KCNIP1: variants seen among roughly 807,000 people sequenced by gnomAD.
The protein encoded by KCNIP1 is A-type potassium channel modulatory protein KCNIP1.
A neutral mutation model predicts 33.0 loss-of-function variants in KCNIP1; 18 were observed. That is an observed-to-expected ratio of 0.55 (90% CI 0.38 to 0.81). The LOEUF (loss-of-function observed/expected upper bound fraction) is 0.81. KCNIP1 is among the 30% of genes least tolerant of loss of function. The pLI is 0.00. For missense variants in KCNIP1, 238 were observed against 271.6 expected (o/e 0.88, Z 0.87); for synonymous variants, 93 against 98.3 (o/e 0.95, Z 0.32).
At chr5:170,539,505 C>T (rs1756117486) in intron 1 of KCNIP1, among the ~76,000 whole-genome samples, 2 of 152,164 alleles carry the variant, frequency 1.3e-5, no homozygotes, top group African/African-American at 4.8e-5. Context: ...AGCAAATGTG[C>T]CTGCTCCTCA....
rs796652625 is a variant in KCNIP1, at chr5:170,570,016, C to T, written c.61+65383C>T. 1.3e-3 allele frequency among the ~76,000 whole-genome samples: 197 copies of T among 152,258 alleles called. 1 individual carries two copies. Among genetic ancestry groups the T allele is most frequent in the African/African-American group, 4.7e-3 (194 of 41,542 alleles). Reference sequence around the variant, plus strand: ...TTGTCATGGATGGGGATAGGAGAGCCATCTAAGGTCCCTGCCCATCTGCAA... The same window carrying T: ...TTGTCATGGATGGGGATAGGAGAGCTATCTAAGGTCCCTGCCCATCTGCAA... On this transcript the variant is annotated intron_variant, in intron 1 of 7. Transcript: ENST00000328939.
intron 1 of KCNIP1, among the ~76,000 whole-genome samples, chr5:170,512,351 G>C (rs1301144075): frequency 1.3e-5 from 2 of 152,156 alleles, no homozygotes; most frequent in African/African-American, 4.8e-5. Context: ...AAAAACACAA[G>C]AACTTGCTAG....
chr5:170,364,643 C>T (rs572262066), intron 1 of KCNIP1, among the ~76,000 whole-genome samples: 5 of 152,292 alleles, frequency 3.3e-5, no homozygotes, highest in East Asian at 1.9e-4. Flanking sequence ...CATTCAAATC[C>T]CCTCCTGCGG....
chr5:170,537,733 C>T lies in KCNIP1; in HGVS notation c.61+33100C>T, dbSNP rs933173126. The stretch of plus-strand genomic sequence containing the variant: ...GCTCTCTTCCATAGCTTTCTTTGCT[C>T]GGCCTTTTGTTGATGGTTTTCCTCA... On this transcript the variant is annotated intron_variant, in intron 1 of 7. Transcript: ENST00000328939. Among the ~76,000 whole-genome samples the T allele has an allele frequency of 3.9e-5, 6 of 152,334 alleles. No homozygotes were observed. In the South Asian group the frequency reaches 6.2e-4, roughly 16 times the overall value.
chr5:170,687,432 G>A (rs557104604), intron 1 of KCNIP1, among the ~76,000 whole-genome samples: 6 of 152,038 alleles, frequency 3.9e-5, no homozygotes, highest in Non-Finnish European at 7.4e-5. Context: ...CACGCACTTC[G>A]GCCTCCCAAA....
chr5:170,362,382 C>T (rs77662584), intron 1 of KCNIP1, among the ~76,000 whole-genome samples: 1 of 152,316 alleles, frequency 6.6e-6, no homozygotes, highest in East Asian at 1.9e-4. Flanking sequence ...GATTCCTTCC[C>T]AGTTTGGCCA....
At chr5:170,568,992 G>A (rs1757302282) in intron 1 of KCNIP1, among the ~76,000 whole-genome samples, 1 of 152,116 alleles carries the variant, frequency 6.6e-6, no homozygotes, top group Non-Finnish European at 1.5e-5. Flanking sequence ...GCTGGATCGG[G>A]ATAGCTTTCC....
chr5:170,709,923 A>C (rs1581529565), intron 1 of KCNIP1, among the ~76,000 whole-genome samples: 1 of 151,940 alleles, frequency 6.6e-6, no homozygotes, highest in African/African-American at 2.4e-5. Flanking sequence ...CCTGGAGTGC[A>C]GTAGCACAAT....
intron 1 of KCNIP1, among the ~76,000 whole-genome samples, chr5:170,674,199 G>GGGAGGGAGGGAGGGAT (rs1762042320): frequency 7.3e-6 from 1 of 137,860 alleles, no homozygotes; most frequent in Non-Finnish European, 1.6e-5. Context: ...GAGGGAGGGA[G>GGGAGGGAGGGAGGGAT]GGAGGGAGGG....
intron 1 of KCNIP1, among the ~76,000 whole-genome samples, chr5:170,414,496 A>G (rs1755276337): frequency 6.6e-6 from 1 of 152,130 alleles, no homozygotes; most frequent in South Asian, 2.1e-4. Context: ...TCTGTCCCTC[A>G]CTTCTGTTCT....
At chr5:170,408,011 C>T (rs1037426240) in intron 1 of KCNIP1, among the ~76,000 whole-genome samples, 2 of 152,154 alleles carry the variant, frequency 1.3e-5, no homozygotes, top group Non-Finnish European at 2.9e-5. Context: ...CCTCAACTTT[C>T]CCACCTGTAA....
chr5:170,717,406 G>A (rs1763676654), intron 1 of KCNIP1, among the ~76,000 whole-genome samples: 1 of 152,150 alleles, frequency 6.6e-6, no homozygotes, highest in Non-Finnish European at 1.5e-5. Context: ...ACTTGTCTCT[G>A]TGGCGTAAAC....
chr5:170,676,743 G>C (rs1001591228), intron 1 of KCNIP1, among the ~76,000 whole-genome samples: 1 of 152,144 alleles, frequency 6.6e-6, no homozygotes, highest in Non-Finnish European at 1.5e-5. Flanking sequence ...GAACTGCTCC[G>C]ATCTTGTGGG....
chr5:170,629,519 G>T (rs1392693977), intron 1 of KCNIP1, among the ~76,000 whole-genome samples: 2 of 152,182 alleles, frequency 1.3e-5, no homozygotes, highest in African/African-American at 2.4e-5. Flanking sequence ...GGCCAGAGGT[G>T]CTAGCTGGGA....
intron 1 of KCNIP1, among the ~76,000 whole-genome samples, chr5:170,568,954 G>A (rs147535755): frequency 5.6e-4 from 86 of 152,238 alleles, no homozygotes; most frequent in Non-Finnish European, 9.7e-4. Context: ...GACTTTAATG[G>A]ATGACATATT....
chr5:170,423,891 A>G (rs1209376331), intron 1 of KCNIP1, among the ~76,000 whole-genome samples: 1 of 152,236 alleles, frequency 6.6e-6, no homozygotes, highest in East Asian at 1.9e-4. Context: ...GGAAGCTACC[A>G]AACGGAGGTA....
chr5:170,618,254 G>A (rs1020045184), intron 1 of KCNIP1, among the ~76,000 whole-genome samples: 2 of 151,980 alleles, frequency 1.3e-5, no homozygotes, highest in African/African-American at 4.8e-5. Context: ...GCATGCTAAC[G>A]GCTTCCCTGC....
intron 1 of KCNIP1, among the ~76,000 whole-genome samples, chr5:170,660,324 A>G (rs2113745064): frequency 6.6e-6 from 1 of 152,296 alleles, no homozygotes; most frequent in Middle Eastern, 3.4e-3. Flanking sequence ...ATACCAAAGA[A>G]AATGGAAAAC....
intron 1 of KCNIP1, among the ~76,000 whole-genome samples, chr5:170,598,059 A>G (rs1334933886): frequency 2.0e-5 from 3 of 152,250 alleles, no homozygotes; most frequent in Non-Finnish European, 4.4e-5. Flanking sequence ...CTTGTTTAGA[A>G]CTACTTCAGA....
Sources: gnomAD v4.1 joint callset for allele counts (sites outside exome capture counted in the v4.1 genomes callset) on GRCh38, gnomAD v4.1.1 for gene constraint, MANE v1.5 for transcripts, NCBI Gene and HGNC (gene_info 2026-07-23, HGNC 2026-07-21) for gene names.